The following SLC22A15 variants were observed in gnomAD, a reference collection of about 807,000 sequenced individuals.
SLC22A15 encodes solute carrier family 22 member 15.
SLC22A15 carries 45 observed loss-of-function variants against 62.7 expected under a neutral mutation model. The ratio of observed to expected loss-of-function variants is 0.72; its 90% confidence interval spans 0.56 to 0.92. The LOEUF is 0.92. Among genes scored for constraint, SLC22A15 ranks in the 40% least tolerant of loss-of-function variants. The pLI is 0.00. For missense variants in SLC22A15, 622 were observed against 665.6 expected (o/e 0.93, Z 0.72); for synonymous variants, 264 against 267.0 (o/e 0.99, Z 0.11).
At chr1:116,021,413 A>G (rs1309066150) in intron 4 of SLC22A15, among the ~76,000 whole-genome samples, 1 of 152,240 alleles carries the variant, frequency 6.6e-6, no homozygotes, top group Non-Finnish European at 1.5e-5. Flanking sequence ...CAAGAACTAC[A>G]TAGATAGTAA....
intron 8 of SLC22A15, among the ~76,000 whole-genome samples, chr1:116,050,790 T>G (rs1230830287): frequency 6.6e-6 from 1 of 152,156 alleles, no homozygotes. Flanking sequence ...ACTGTCACCG[T>G]TTGCTGATGA....
intron 1 of SLC22A15, among the ~76,000 whole-genome samples, chr1:115,980,184 A>C (rs1281691): frequency 0.86 from 131,262 of 152,014 alleles, 57,794 homozygotes; most frequent in East Asian, 1. Context: ...ATTAAAATGG[A>C]TATGAAATAC....
At chr1:115,999,821 T>C (rs1339047407) in intron 2 of SLC22A15, among the ~76,000 whole-genome samples, 1 of 152,152 alleles carries the variant, frequency 6.6e-6, no homozygotes, top group African/African-American at 2.4e-5. Context: ...TTAATTCTTA[T>C]ATCCACTTGC....
chr1:116,029,225 AT>A (rs1657273195), intron 5 of SLC22A15, among the ~76,000 whole-genome samples: 1 of 152,208 alleles, frequency 6.6e-6, no homozygotes, highest in African/African-American at 2.4e-5. Context: ...TACCAGAAAC[AT>A]TTTTACCTAG....
chr1:116,060,007 A>T (rs905402830), intron 8 of SLC22A15, among the ~76,000 whole-genome samples: 19 of 152,144 alleles, frequency 1.2e-4, no homozygotes, highest in African/African-American at 4.3e-4. Flanking sequence ...AGTTTTGCTT[A>T]TGTCTTTTAA....
chr1:116,036,511 A>G (rs1484701591), intron 7 of SLC22A15, among the ~76,000 whole-genome samples: 1 of 152,194 alleles, frequency 6.6e-6, no homozygotes, highest in Non-Finnish European at 1.5e-5. Flanking sequence ...GACCAGGCAG[A>G]CCTGAATTCA....
chr1:116,000,625 C>CTTTTTTTTT (rs56303802), intron 2 of SLC22A15, among the ~76,000 whole-genome samples: 12 of 88,220 alleles, frequency 1.4e-4, no homozygotes, highest in Non-Finnish European at 1.5e-4. Flanking sequence ...CTTTTTTTTC[C>CTTTTTTTTT]TTTTTTTTTT....
chr1:116,041,826 C>T (rs1309220253), intron 8 of SLC22A15, among the ~76,000 whole-genome samples: 1 of 152,132 alleles, frequency 6.6e-6, no homozygotes, highest in African/African-American at 2.4e-5. Flanking sequence ...CAGAAAGTGG[C>T]AGGCAGAACA....
intron 2 of SLC22A15, among the ~76,000 whole-genome samples, chr1:115,996,677 AT>A (rs1460244135): frequency 6.7e-6 from 1 of 149,374 alleles, no homozygotes. Flanking sequence ...TGTACAATTC[AT>A]TTTTATATGT....
intron 2 of SLC22A15, among the ~76,000 whole-genome samples, chr1:116,005,332 C>T (rs1396160419): frequency 3.3e-5 from 5 of 151,972 alleles, no homozygotes; most frequent in Non-Finnish European, 7.4e-5. Context: ...CATCTTGTAC[C>T]TCTCACCCCT....
rs771743795 is a variant in SLC22A15, at chr1:116,066,612, C to T, written c.1458C>T (p.Asn486=). The T allele has an allele frequency of 1.5e-5, 24 of 1,610,742 alleles. No homozygotes were observed. The highest frequency in any genetic ancestry group is 2.0e-5 in the Non-Finnish European group (23 of 1,178,650). ...LLSLLLPETL[N]SPLLETFSDL... Reference sequence around the variant, plus strand: ...GTTTGTTATTGCCGGAGACCCTTAACAGTCCGCTGCTAGAAACATTCTCCG... The same window carrying T: ...GTTTGTTATTGCCGGAGACCCTTAATAGTCCGCTGCTAGAAACATTCTCCG... Residue 486 remains asparagine, a synonymous_variant, in exon 11 of 12, where the codon AAC becomes AAT. Coordinates refer to ENST00000369503, the MANE Select transcript of SLC22A15 (RefSeq NM_018420.3).
At chr1:115,997,782 A>T (rs1655501015) in intron 2 of SLC22A15, among the ~76,000 whole-genome samples, 1 of 151,784 alleles carries the variant, frequency 6.6e-6, no homozygotes, top group Non-Finnish European at 1.5e-5. Flanking sequence ...GATACTCTTT[A>T]TTTCTTTCTC....
At chr1:116,055,829 G>A (rs1481440508) in intron 8 of SLC22A15, among the ~76,000 whole-genome samples, 1 of 143,654 alleles carries the variant, frequency 7.0e-6, no homozygotes, top group African/African-American at 2.6e-5. Context: ...AATAGATGCA[G>A]AAAAGGCCTT....
In SLC22A15 at chr1:116,065,013, T is replaced by A. The variant is rs181345597; in HGVS notation, c.1365+505T>A. The stretch of plus-strand genomic sequence containing the variant: ...TGTCTCTCACTGTGTCTGTTAATAT[T>A]TTTTTTTTGAAACTTTCTAACTTGT... On this transcript the variant is annotated intron_variant, in intron 10 of 11. Coordinates refer to ENST00000369503, the MANE Select transcript of SLC22A15 (RefSeq NM_018420.3). Among the ~76,000 whole-genome samples, 504 of 149,932 alleles carry A rather than the reference T, an allele frequency of 3.4e-3. 2 individuals carry two copies. Among genetic ancestry groups the A allele is most frequent in the Non-Finnish European group, 5.1e-3 (345 of 67,726 alleles).
rs958144359 is a variant in SLC22A15, at chr1:116,069,474, A to G, written c.*2366A>G. 1 of 152,224 alleles carries G rather than the reference A, an allele frequency of 6.6e-6. No homozygotes were observed. The highest frequency in any genetic ancestry group is 1.9e-4 in the East Asian group (1 of 5,188). The allele number at this position is 152,224 out of a possible 1,614,324, so 9.4% of individuals were successfully genotyped here. ...GTATCCTGTTTTTTTAATTCTATTC[A>G]AAATTAAAAATTTTTTTTCCTAAAA... On this transcript the variant is annotated 3_prime_UTR_variant, in exon 12 of 12. Transcript: ENST00000369503.
chr1:116,008,428 T>A (rs776488545), intron 2 of SLC22A15, among the ~76,000 whole-genome samples: 1 of 152,226 alleles, frequency 6.6e-6, no homozygotes, highest in Non-Finnish European at 1.5e-5. Flanking sequence ...GTGTCCAGTG[T>A]GTAGCATTGT....
chr1:116,037,829 C>T (rs1046807565), intron 8 of SLC22A15, among the ~76,000 whole-genome samples: 4 of 152,060 alleles, frequency 2.6e-5, no homozygotes, highest in African/African-American at 9.7e-5. Flanking sequence ...CAAGGAACTC[C>T]GACAACAAGA....
chr1:116,034,438 G>A (rs1269542141), intron 6 of SLC22A15, among the ~76,000 whole-genome samples: 2 of 152,138 alleles, frequency 1.3e-5, no homozygotes, highest in East Asian at 1.9e-4. Flanking sequence ...AGAGAGGCTT[G>A]GTGCCTAGCA....
intron 11 of SLC22A15, 135 bp from the exon 12 acceptor site, chr1:116,066,884 A>G (rs910101321): frequency 3.2e-6 from 3 of 943,168 alleles, no homozygotes; most frequent in African/African-American, 1.7e-5. Flanking sequence ...GCTTTCCTAG[A>G]ATATTTTAGG....
Sources: gnomAD v4.1 joint callset for allele counts (sites outside exome capture counted in the v4.1 genomes callset) on GRCh38, gnomAD v4.1.1 for gene constraint, MANE v1.5 for transcripts, NCBI Gene and HGNC (gene_info 2026-07-23, HGNC 2026-07-21) for gene names.